Variants in TTC39B observed in about 807,000 individuals in gnomAD.
TTC39B encodes tetratricopeptide repeat domain 39B.
Under a neutral mutation model 96.6 loss-of-function variants are expected in TTC39B, and 92 were observed. That is an observed-to-expected ratio of 0.95 (90% CI 0.80 to 1.13). TTC39B has a LOEUF of 1.13. Ranked by LOEUF, TTC39B falls within the 50% of genes most tolerant of loss-of-function variation. TTC39B has a pLI of 0.00. For synonymous variants in TTC39B, 367 were observed against 299.4 expected (o/e 1.23, Z -2.33); for missense variants, 955 against 809.3 (o/e 1.18, Z -2.18).
intron 2 of TTC39B, among the ~76,000 whole-genome samples, chr9:15,233,477 T>G (rs1346499830): frequency 3.3e-5 from 5 of 151,620 alleles, no homozygotes; most frequent in Non-Finnish European, 7.4e-5. Flanking sequence ...TGCCTCAGCC[T>G]GCCCAGTGCC....
At chr9:15,280,650 G>C (rs1823727044) in intron 1 of TTC39B, among the ~76,000 whole-genome samples, 1 of 152,204 alleles carries the variant, frequency 6.6e-6, no homozygotes, top group African/African-American at 2.4e-5. Context: ...CCACCAAGCA[G>C]CCTCCTGGCC....
In TTC39B at chr9:15,267,762, C is replaced by T. The variant is rs928827813; in HGVS notation, c.275+152G>A. 1.5e-5 allele frequency: 9 copies of T among 605,090 alleles called. No homozygotes were observed. The African/African-American group carries it at 1.7e-4, about 11-fold the overall frequency. 37.5% of individuals were successfully genotyped at this position (605,090 alleles called of 1,614,324 possible). On this transcript the variant is annotated intron_variant, in intron 2 of 19. Transcript: ENST00000512701. ...AGATAGATCCTTTCTTAAATATAAT[C>T]ACATCCTCTTTAATTATAGAAAAGT...
chr9:15,273,529 C>T (rs1233110232), intron 1 of TTC39B, among the ~76,000 whole-genome samples: 2 of 152,136 alleles, frequency 1.3e-5, no homozygotes, highest in South Asian at 4.1e-4. Context: ...TCCATTTTAC[C>T]ATCTTTCTCA....
At position 15,298,297 on chromosome 9, in the gene TTC39B, G is replaced by C. The variant is rs554189910; in HGVS notation, c.240+8787C>G. ...GGACTGAGCCACGCTACCAGCCTCT[G>C]CAGCTCTCCAGCTTGCAGACAGCAT... On this transcript the variant is annotated intron_variant, in intron 1 of 19. Transcript: ENST00000512701. Among the ~76,000 whole-genome samples the C allele has an allele frequency of 2.0e-5, 3 of 152,272 alleles. No homozygotes were observed. The South Asian group carries it at 6.2e-4, about 32-fold the overall frequency.
chr9:15,167,016 ATATATATATATATTTTTT>A (rs1817538964), exon 20 of TTC39B: 1 of 6,730 alleles, frequency 1.5e-4, no homozygotes, highest in Non-Finnish European at 2.4e-4. Flanking sequence ...ATATATATAT[ATATATATATATATTTTTT>A]TTTTTTTTTT....
chr9:15,214,310 A>T, intron 3 of TTC39B, 61 bp from the exon 4 acceptor site: 1 of 1,123,432 alleles, frequency 8.9e-7, no homozygotes, highest in Non-Finnish European at 1.3e-6. Flanking sequence ...AAGTTGTCCG[A>T]AGGGAGTGTG....
intron 2 of TTC39B, among the ~76,000 whole-genome samples, chr9:15,242,235 G>C (rs1822076281): frequency 6.6e-6 from 1 of 152,148 alleles, no homozygotes; most frequent in South Asian, 2.1e-4. Context: ...AGTCAGACCA[G>C]TCACACCTGG....
chr9:15,176,534 C>G (rs1338523706), intron 18 of TTC39B, among the ~76,000 whole-genome samples: 2 of 152,170 alleles, frequency 1.3e-5, no homozygotes, highest in Non-Finnish European at 2.9e-5. Context: ...GCACATGACA[C>G]AGAGCACAGG....
intron 2 of TTC39B, among the ~76,000 whole-genome samples, chr9:15,265,190 T>A (rs938771864): frequency 8.5e-5 from 12 of 141,116 alleles, no homozygotes; most frequent in Non-Finnish European, 1.6e-4. Context: ...TTGATTTTTT[T>A]AAAAACTAAT....
At chr9:15,251,690 CAT>C (rs61648900) in intron 2 of TTC39B, among the ~76,000 whole-genome samples, 1,596 of 79,138 alleles carry the variant, frequency 0.02, 10 homozygotes, top group South Asian at 0.054. Flanking sequence ...CACACACACA[CAT>C]ACATATACAT....
At chr9:15,283,843 C>T (rs1245243982) in intron 1 of TTC39B, among the ~76,000 whole-genome samples, 1 of 151,946 alleles carries the variant, frequency 6.6e-6, no homozygotes, top group African/African-American at 2.4e-5. Flanking sequence ...AACCCATATA[C>T]AAGTTTCCAT....
rs1015305984 is a variant in TTC39B, at chr9:15,189,722, T to C, written c.1173+3A>G. 6.8e-6 allele frequency: 11 copies of C among 1,613,952 alleles called. No homozygotes were observed. The highest frequency in any genetic ancestry group is 8.5e-6 in the Non-Finnish European group (10 of 1,179,998). Reference sequence around the variant, plus strand: ...AACATACACTTTGAAATACTGAGCGTACATTTGGAAACTGCTGGAGGAAGG... The same window carrying C: ...AACATACACTTTGAAATACTGAGCGCACATTTGGAAACTGCTGGAGGAAGG... On this transcript the variant is annotated splice_donor_region_variant and intron_variant, in intron 12 of 19. Coordinates refer to ENST00000512701, the Ensembl canonical transcript of TTC39B.
At chr9:15,228,120 T>C (rs946916309) in intron 2 of TTC39B, among the ~76,000 whole-genome samples, 3 of 152,138 alleles carry the variant, frequency 2.0e-5, no homozygotes, top group Non-Finnish European at 4.4e-5. Flanking sequence ...ACACACTAGA[T>C]ATAAACATAA....
intron 1 of TTC39B, among the ~76,000 whole-genome samples, chr9:15,295,448 T>C (rs1315741522): frequency 1.3e-5 from 2 of 152,242 alleles, no homozygotes; most frequent in Admixed American, 1.3e-4. Flanking sequence ...ATCTAGCTTC[T>C]AACCCTGATT....
chr9:15,287,945 C>CAAAAAAAAA (rs762069142), intron 1 of TTC39B, among the ~76,000 whole-genome samples: 3 of 68,970 alleles, frequency 4.3e-5, no homozygotes, highest in Admixed American at 2.0e-4. Context: ...GACTCCATCT[C>CAAAAAAAAA]AAAAAAAAAA....
At chr9:15,199,012 T>C (rs1819352792) in intron 8 of TTC39B, among the ~76,000 whole-genome samples, 1 of 152,106 alleles carries the variant, frequency 6.6e-6, no homozygotes, top group Non-Finnish European at 1.5e-5. Context: ...TAAATACATA[T>C]TATAAAAGCC....
At chr9:15,167,902 A>G (rs934057117) in exon 20 of TTC39B, 9 of 152,214 alleles carry the variant, frequency 5.9e-5, no homozygotes, top group Admixed American at 5.9e-4. Flanking sequence ...AATCTAGTAC[A>G]TAAGGAGTTT....
chr9:15,204,991 C>T (rs1257650212), intron 6 of TTC39B, among the ~76,000 whole-genome samples: 3 of 152,184 alleles, frequency 2.0e-5, no homozygotes, highest in African/African-American at 7.2e-5. Context: ...CCATGGGATG[C>T]AAAGTGGCAT....
At chr9:15,275,652 G>C (rs563995981) in intron 1 of TTC39B, among the ~76,000 whole-genome samples, 1 of 152,310 alleles carries the variant, frequency 6.6e-6, no homozygotes, top group African/African-American at 2.4e-5. Flanking sequence ...TCAGGAGATA[G>C]AGGAAGGGAG....
Sources: allele counts gnomAD v4.1 joint callset (sites outside exome capture counted in the v4.1 genomes callset), GRCh38; gene constraint gnomAD v4.1.1; transcripts MANE v1.5; gene names NCBI Gene and HGNC (gene_info 2026-07-23, HGNC 2026-07-21).